The following ATG10 variants were observed in gnomAD, a reference collection of about 807,000 sequenced individuals.
ATG10 encodes the protein ubiquitin-like-conjugating enzyme ATG10.
Under a neutral mutation model 32.1 loss-of-function variants are expected in ATG10, and 30 were observed. That is an observed-to-expected ratio of 0.94 (90% CI 0.70 to 1.27). The LOEUF (loss-of-function observed/expected upper bound fraction) is 1.27. ATG10 is among the 50% of genes most tolerant of loss of function. The pLI is 0.00. For synonymous variants in ATG10, 87 were observed against 91.5 expected, an observed-to-expected ratio of 0.95 and a Z score of 0.28; for missense variants, 233 against 262.3, an observed-to-expected ratio of 0.89 and a Z score of 0.77.
chr5:82,195,738 A>G (rs1183314318), intron 5 of ATG10, among the ~76,000 whole-genome samples: 1 of 152,216 alleles, frequency 6.6e-6, no homozygotes, highest in Non-Finnish European at 1.5e-5. Context: ...GCTGAGTAAC[A>G]TTCCATTATA....
intron 5 of ATG10, among the ~76,000 whole-genome samples, chr5:82,208,623 C>A (rs1212014678): frequency 6.6e-6 from 1 of 152,116 alleles, no homozygotes; most frequent in Non-Finnish European, 1.5e-5. Context: ...GGAGAACCTT[C>A]AATATTTTAA....
chr5:82,043,124 C>T (rs1469566925), intron 2 of ATG10, among the ~76,000 whole-genome samples: 1 of 152,244 alleles, frequency 6.6e-6, no homozygotes, highest in East Asian at 1.9e-4. Context: ...TAGGCATTTC[C>T]ATACATCCTC....
chr5:82,040,032 A>T (rs1763036452), intron 2 of ATG10, among the ~76,000 whole-genome samples: 1 of 152,144 alleles, frequency 6.6e-6, no homozygotes, highest in Admixed American at 6.5e-5. Context: ...TGGTCTCTTC[A>T]GCAGGAGAGT....
chr5:82,085,185 G>C (rs879847473), intron 3 of ATG10, among the ~76,000 whole-genome samples: 3 of 152,026 alleles, frequency 2.0e-5, no homozygotes, highest in Non-Finnish European at 2.9e-5. Context: ...TGCAATCCTA[G>C]TCTCTGATAA....
chr5:82,017,101 C>T lies in ATG10; in HGVS notation c.108+29423C>T, dbSNP rs192401239. ...TATCTCAGCAGTGTTTTATAGTTTT[C>T]CTTGTAGAGATCTTTCACCTCCTTG... On this transcript the variant is annotated intron_variant, in intron 2 of 7. Transcript: ENST00000282185. Among the ~76,000 whole-genome samples the T allele has an allele frequency of 5.6e-3, 849 of 151,768 alleles. 3 individuals are homozygous for T. The highest frequency in any genetic ancestry group is 9.2e-3 in the Non-Finnish European group (627 of 67,952).
At chr5:82,033,823 CTG>C (rs940802895) in intron 2 of ATG10, among the ~76,000 whole-genome samples, 3 of 150,676 alleles carry the variant, frequency 2.0e-5, no homozygotes, top group Non-Finnish European at 4.4e-5. Flanking sequence ...ATGTATATAT[CTG>C]TACTATATGT....
chr5:82,064,163 G>A (rs917522737), intron 3 of ATG10, among the ~76,000 whole-genome samples: 4 of 152,074 alleles, frequency 2.6e-5, no homozygotes, highest in East Asian at 3.9e-4. Flanking sequence ...TTATAATCTT[G>A]TAAGCAACTG....
At chr5:81,993,422 T>TCTTTC (rs1561244476) in intron 2 of ATG10, among the ~76,000 whole-genome samples, 3 of 142,542 alleles carry the variant, frequency 2.1e-5, no homozygotes, top group Admixed American at 7.3e-5. Context: ...TCTTTTCTTT[T>TCTTTC]CTTTCCTTCT....
intron 5 of ATG10, among the ~76,000 whole-genome samples, chr5:82,190,379 CA>C (rs1744608413): frequency 2.0e-5 from 3 of 151,746 alleles, no homozygotes; most frequent in Admixed American, 2.0e-4. Flanking sequence ...AATACACATG[CA>C]AATGAATCAT....
At chr5:81,991,436 CAA>C (rs1761454840) in intron 2 of ATG10, among the ~76,000 whole-genome samples, 1 of 152,066 alleles carries the variant, frequency 6.6e-6, no homozygotes, top group Non-Finnish European at 1.5e-5. Flanking sequence ...TTACTAAAAT[CAA>C]GAGTGAACAT....
rs552187687 is a variant in ATG10, at chr5:82,229,140, G to C, written c.454-23422G>C. On this transcript the variant is annotated intron_variant, in intron 5 of 7. Transcript: ENST00000282185. ...GCTGGATTTGTCCCTTGAAGTTTTTGTGAAACGAGCTATTTCTGAGTGGAC... is the reference window on the plus strand; with the variant it reads ...GCTGGATTTGTCCCTTGAAGTTTTTCTGAAACGAGCTATTTCTGAGTGGAC... Among the ~76,000 whole-genome samples the C allele has an allele frequency of 1.3e-4, 20 of 152,278 alleles. 1 individual carries two copies. The South Asian group carries it at 4.1e-3, about 32-fold the overall frequency.
intron 5 of ATG10, among the ~76,000 whole-genome samples, chr5:82,228,739 G>A (rs1414067365): frequency 2.6e-5 from 4 of 152,168 alleles, no homozygotes; most frequent in African/African-American, 9.7e-5. Flanking sequence ...AACCTTTAGA[G>A]GTGAACTTGT....
At chr5:82,118,754 T>A (rs1159191537) in intron 3 of ATG10, among the ~76,000 whole-genome samples, 3 of 152,014 alleles carry the variant, frequency 2.0e-5, no homozygotes, top group Non-Finnish European at 4.4e-5. Context: ...TTGGAATTAA[T>A]AGAATGAGTA....
At chr5:82,003,319 C>T (rs1044550198) in intron 2 of ATG10, among the ~76,000 whole-genome samples, 1 of 152,208 alleles carries the variant, frequency 6.6e-6, no homozygotes, top group Admixed American at 6.5e-5. Flanking sequence ...AGATTGTGAT[C>T]TATAAATACC....
chr5:82,063,788 C>T (rs1195860175), intron 3 of ATG10, among the ~76,000 whole-genome samples: 5 of 152,020 alleles, frequency 3.3e-5, no homozygotes, highest in East Asian at 1.9e-4. Flanking sequence ...CCACCATGCC[C>T]GGCTGAACTG....
intron 3 of ATG10, among the ~76,000 whole-genome samples, chr5:82,156,039 A>G: frequency 6.6e-6 from 1 of 152,028 alleles, no homozygotes; most frequent in Non-Finnish European, 1.5e-5. Flanking sequence ...AATGAAGGAA[A>G]TTTTTATATA....
At chr5:82,063,935 A>G (rs1210673474) in intron 3 of ATG10, among the ~76,000 whole-genome samples, 1 of 148,160 alleles carries the variant, frequency 6.7e-6, no homozygotes, top group African/African-American at 2.4e-5. Flanking sequence ...CATGACACAA[A>G]TTTACCTGTG....
At chr5:82,205,150 C>T (rs1194087359) in intron 5 of ATG10, among the ~76,000 whole-genome samples, 3 of 152,130 alleles carry the variant, frequency 2.0e-5, no homozygotes, top group Non-Finnish European at 2.9e-5. Flanking sequence ...TGAGCCTATC[C>T]AGTGTTTCAG....
At chr5:82,038,283 G>A (rs1163393595) in intron 2 of ATG10, among the ~76,000 whole-genome samples, 1 of 152,192 alleles carries the variant, frequency 6.6e-6, no homozygotes, top group East Asian at 1.9e-4. Flanking sequence ...ATGAAATAAG[G>A]CAGTCCATTC....
Sources: gnomAD v4.1 joint callset for allele counts (sites outside exome capture counted in the v4.1 genomes callset) on GRCh38, gnomAD v4.1.1 for gene constraint, MANE v1.5 for transcripts, NCBI Gene and HGNC (gene_info 2026-07-23, HGNC 2026-07-21) for gene names.